PRDM16: variants seen among roughly 807,000 people sequenced by gnomAD.
PRDM16 encodes histone-lysine N-methyltransferase PRDM16.
In PRDM16, 23 loss-of-function variants were observed where a neutral mutation model predicts 110.6. That is an observed-to-expected ratio of 0.21 (90% CI 0.15 to 0.29). The LOEUF is 0.29. Ranked by LOEUF, PRDM16 falls within the 10% of genes least tolerant of loss-of-function variation. The pLI is 1.00. For synonymous variants in PRDM16, 799 were observed against 781.8 expected (o/e 1.02, Z -0.37); for missense variants, 1,615 against 1,794.3 (o/e 0.90, Z 1.81).
chr1:3,117,464 G>T (rs1642987184), intron 1 of PRDM16, among the ~76,000 whole-genome samples: 1 of 152,148 alleles, frequency 6.6e-6, no homozygotes, highest in African/African-American at 2.4e-5. Flanking sequence ...AGCCTGTGAG[G>T]TGCATGTCTG....
intron 14 of PRDM16, among the ~76,000 whole-genome samples, chr1:3,428,361 AAG>A (rs1638673735): frequency 7.0e-6 from 1 of 142,946 alleles, no homozygotes; most frequent in Non-Finnish European, 1.5e-5. Flanking sequence ...CTCTAAGAGA[AAG>A]AGATGTGGCC....
At chr1:3,412,880 T>C in intron 9 of PRDM16, 80 bp downstream of exon 9, 1 of 1,196,456 alleles carries the variant, frequency 8.4e-7, no homozygotes, top group Non-Finnish European at 1.1e-6. Context: ...CATGGTGGTG[T>C]CTCTTTCAAG....
intron 3 of PRDM16, among the ~76,000 whole-genome samples, chr1:3,291,566 T>TC (rs1302421511): frequency 5.9e-5 from 9 of 152,142 alleles, no homozygotes; most frequent in African/African-American, 2.2e-4. Context: ...TCCACACTCC[T>TC]CCCGCCCCTG....
rs1199106783 is a variant in PRDM16, at chr1:3,373,725, G to T, written c.439-11427G>T. Among the ~76,000 whole-genome samples the T allele has an allele frequency of 2.0e-5, 3 of 152,182 alleles. No individual in the cohort carries two copies. In the East Asian group the frequency reaches 5.8e-4, roughly 29 times the overall value. On this transcript the variant is annotated intron_variant, in intron 3 of 16. Coordinates refer to ENST00000270722, the MANE Select transcript of PRDM16 (RefSeq NM_022114.4). ...CAGTTCTAGCAGCCTGGCCCCGTGT[G>T]GCAAACCCACTCCAGCCTGCACCTC...
At chr1:3,282,021 T>C (rs1178349789) in intron 3 of PRDM16, among the ~76,000 whole-genome samples, 1 of 152,202 alleles carries the variant, frequency 6.6e-6, no homozygotes, top group Non-Finnish European at 1.5e-5. Flanking sequence ...AGGTCAGCCA[T>C]GAACCCTTCA....
chr1:3,424,493 G>A (rs1638535532), intron 12 of PRDM16, among the ~76,000 whole-genome samples: 1 of 152,352 alleles, frequency 6.6e-6, no homozygotes, highest in South Asian at 2.1e-4. Flanking sequence ...GCCTGATGCC[G>A]TGGAGGCCAG....
chr1:3,101,678 G>A (rs1642536201), intron 1 of PRDM16, among the ~76,000 whole-genome samples: 1 of 152,226 alleles, frequency 6.6e-6, no homozygotes. Flanking sequence ...CACCAAGTGA[G>A]GGAACAGAAC....
intron 1 of PRDM16, among the ~76,000 whole-genome samples, chr1:3,120,322 G>T (rs750884806): frequency 6.6e-6 from 1 of 152,158 alleles, no homozygotes; most frequent in African/African-American, 2.4e-5. Flanking sequence ...TTCCAGGGAC[G>T]TGTCTGGTAC....
rs550140585 is a variant in PRDM16, at chr1:3,213,518, G to A, written c.387+27044G>A. On this transcript the variant is annotated intron_variant, in intron 2 of 16. Transcript: ENST00000270722. This position sits in a 1 kb window ranked among gnomAD's most constrained non-coding sequence, Gnocchi z 5.3. The stretch of plus-strand genomic sequence containing the variant: ...TGCCCCCCTGGGTTTGGTTGTGCCC[G>A]TGGGGGGTTGCTAGAGAGTCCTTTG... Among the ~76,000 whole-genome samples the A allele has an allele frequency of 4.6e-5, 7 of 152,286 alleles. No homozygotes were observed. In the South Asian group the frequency reaches 1.2e-3, roughly 27 times the overall value.
At chr1:3,367,084 A>G (rs1009026182) in intron 3 of PRDM16, among the ~76,000 whole-genome samples, 2 of 152,326 alleles carry the variant, frequency 1.3e-5, no homozygotes, top group South Asian at 2.1e-4. Context: ...TCTGGCCAAC[A>G]TGGTGAAACG....
At chr1:3,076,676 G>A (rs1434069867) in intron 1 of PRDM16, among the ~76,000 whole-genome samples, 2 of 152,230 alleles carry the variant, frequency 1.3e-5, no homozygotes, top group African/African-American at 2.4e-5. Flanking sequence ...GAGGCCAGGG[G>A]CCAGGGCTGC....
At chr1:3,210,214 G>A (rs949161556) in intron 2 of PRDM16, among the ~76,000 whole-genome samples, 1 of 152,228 alleles carries the variant, frequency 6.6e-6, no homozygotes, top group East Asian at 1.9e-4. Context: ...GCACTCACAG[G>A]CAGGTGGGCT....
chr1:3,260,020 C>G (rs982140013), intron 3 of PRDM16, among the ~76,000 whole-genome samples: 1 of 152,210 alleles, frequency 6.6e-6, no homozygotes, highest in Non-Finnish European at 1.5e-5. Context: ...ATCACACACC[C>G]TTCCCACCTC....
At chr1:3,314,542 T>A (rs565810163) in intron 3 of PRDM16, among the ~76,000 whole-genome samples, 2 of 151,988 alleles carry the variant, frequency 1.3e-5, no homozygotes, top group Non-Finnish European at 2.9e-5. Context: ...AGGAGCAAAC[T>A]TCATCTGCCA....
intron 3 of PRDM16, among the ~76,000 whole-genome samples, chr1:3,278,591 C>T (rs181170207): frequency 9.2e-5 from 14 of 152,326 alleles, no homozygotes; most frequent in Middle Eastern, 3.4e-3. Flanking sequence ...GAACCTCAGC[C>T]GCACCCGGCA....
chr1:3,343,337 A>G (rs1441477600), intron 3 of PRDM16, among the ~76,000 whole-genome samples: 1 of 150,004 alleles, frequency 6.7e-6, no homozygotes, highest in African/African-American at 2.5e-5. Context: ...TCTTTTTATC[A>G]ATTGATTTTT....
chr1:3,121,167 C>G (rs1643086725), intron 1 of PRDM16, among the ~76,000 whole-genome samples: 1 of 152,178 alleles, frequency 6.6e-6, no homozygotes, highest in Non-Finnish European at 1.5e-5. Flanking sequence ...GCCCGCAGGT[C>G]ACAGGATCAG....
intron 1 of PRDM16, among the ~76,000 whole-genome samples, chr1:3,108,300 C>T (rs1642712221): frequency 6.6e-6 from 1 of 152,234 alleles, no homozygotes; most frequent in Non-Finnish European, 1.5e-5. Context: ...TCCTTCAACC[C>T]ACCAATGGTG....
chr1:3,225,452 C>T (rs145289828), intron 2 of PRDM16, among the ~76,000 whole-genome samples: 1 of 152,066 alleles, frequency 6.6e-6, no homozygotes, highest in East Asian at 1.9e-4. Context: ...CAGGTCCAGC[C>T]AGCACGGCGC....
Sources: gnomAD v4.1 joint callset for allele counts (sites outside exome capture counted in the v4.1 genomes callset) on GRCh38, gnomAD v4.1.1 for gene constraint, Gnocchi (gnomAD v3.1) non-coding constraint, MANE v1.5 for transcripts, NCBI Gene and HGNC (gene_info 2026-07-23, HGNC 2026-07-21) for gene names.